The following PRKCH variants were observed in gnomAD, a reference collection of about 807,000 sequenced individuals.
PRKCH encodes the protein protein kinase C eta.
PRKCH carries 28 observed loss-of-function variants against 82.5 expected under a neutral mutation model. The ratio of observed to expected loss-of-function variants is 0.34; its 90% CI spans 0.25 to 0.47. The LOEUF is 0.47. Among genes scored for constraint, PRKCH ranks in the 20% least tolerant of loss-of-function variants. PRKCH has a pLI of 1.00. For missense variants in PRKCH, 705 were observed against 881.8 expected (o/e 0.80, Z 2.54); for synonymous variants, 322 against 327.4 (o/e 0.98, Z 0.18).
intron 10 of PRKCH, among the ~76,000 whole-genome samples, chr14:61,524,774 T>A (rs576155288): frequency 1.3e-5 from 2 of 152,364 alleles, no homozygotes; most frequent in South Asian, 2.1e-4. Flanking sequence ...ATAAGTGTTC[T>A]GCTTGGTCCT....
intron 9 of PRKCH, among the ~76,000 whole-genome samples, chr14:61,480,874 C>T (rs1189577190): frequency 1.3e-5 from 2 of 152,180 alleles, no homozygotes; most frequent in Admixed American, 6.5e-5. Context: ...CTCCCGTCTG[C>T]CTGACATCTT....
chr14:61,209,690 A>G (rs2044554603), intron 1 of PRKCH, among the ~76,000 whole-genome samples: 1 of 152,108 alleles, frequency 6.6e-6, no homozygotes, highest in African/African-American at 2.4e-5. Context: ...TTTTAGATGC[A>G]GGGGATTTGT....
At chr14:61,423,879 A>G (rs1426454401) in intron 2 of PRKCH, among the ~76,000 whole-genome samples, 3 of 152,142 alleles carry the variant, frequency 2.0e-5, no homozygotes, top group Non-Finnish European at 4.4e-5. Flanking sequence ...TTGTGTCCTC[A>G]CCCAAATCTC....
intron 1 of PRKCH, among the ~76,000 whole-genome samples, chr14:61,253,990 C>G (rs1329136158): frequency 6.2e-5 from 8 of 129,508 alleles, no homozygotes; most frequent in Non-Finnish European, 9.9e-5. Flanking sequence ...TCCCTCCCTC[C>G]CTCCCTCCCT....
chr14:61,522,679 G>C (rs1256722051), intron 10 of PRKCH, among the ~76,000 whole-genome samples: 1 of 152,186 alleles, frequency 6.6e-6, no homozygotes, highest in East Asian at 1.9e-4. Flanking sequence ...TCTCCTCATT[G>C]CACTCATCAC....
Position 61,268,081 on chromosome 14 carries a change from T to A in PRKCH, c.-19+80413T>A, listed in dbSNP as rs569257342. 2.8e-4 allele frequency among the ~76,000 whole-genome samples: 42 copies of A among 152,306 alleles called. No individual in the cohort carries two copies. The South Asian group carries it at 6.4e-3, about 23-fold the overall frequency. ...TCTTCGGAATCCCTTAAAGACAGAA[T>A]CTTCAATGTCTATGTTATTGTACAC... On this transcript the variant is annotated intron_variant, in intron 1 of 3. Transcript: ENST00000555185.
At chr14:61,307,683 G>A (rs1417664450) in intron 1 of PRKCH, among the ~76,000 whole-genome samples, 2 of 151,916 alleles carry the variant, frequency 1.3e-5, no homozygotes, top group Non-Finnish European at 2.9e-5. Flanking sequence ...TTATTACAAT[G>A]CTGTTTTTTT....
At chr14:61,265,426 A>G (rs919025905) in intron 1 of PRKCH, among the ~76,000 whole-genome samples, 1 of 152,218 alleles carries the variant, frequency 6.6e-6, no homozygotes, top group African/African-American at 2.4e-5. Context: ...AGCTGCAGTG[A>G]GCCAAGATCG....
rs1316847544 is a variant in PRKCH at position 61,188,613 on chromosome 14, T to TGTG, written c.-19+946_-19+948dup. ...TCGGGGGGGTGGGGGGGTGGTGTGG[T>TGTG]GTGTGTGTGTGTGTGTGTGTGTGTG... On this transcript the variant is annotated intron_variant, in intron 1 of 3. Transcript: ENST00000555185. Among the ~76,000 whole-genome samples, 16 of 19,894 alleles carry TGTG rather than the reference T, an allele frequency of 8.0e-4. 1 individual carries two copies. Among genetic ancestry groups the TGTG allele is most frequent in the Admixed American group, 1.8e-3 (3 of 1,670 alleles). The allele number at this position is 19,894 out of a possible 152,430, so 13.1% of individuals were successfully genotyped here. A position where few individuals can be genotyped will look rare whatever the true frequency, so the allele number is the denominator to read the frequency against.
rs371493537 is a variant in PRKCH, at chr14:61,400,849, G to A, written c.427+9561G>A. Among the ~76,000 whole-genome samples, 62 of 152,212 alleles carry A rather than the reference G, an allele frequency of 4.1e-4. No homozygotes were observed. The East Asian group carries it at 8.3e-3, about 20-fold the overall frequency. ...CAAATGGTGAACCAGACTCAGAGAC[G>A]CTAATTTACTATGGTCTTTCCTGGA... is the stretch of plus-strand genomic sequence containing the variant. On this transcript the variant is annotated intron_variant, in intron 2 of 13. Coordinates refer to ENST00000332981, the MANE Select transcript of PRKCH (RefSeq NM_006255.5).
chr14:61,324,980 A>T (rs1371306797), intron 1 of PRKCH, among the ~76,000 whole-genome samples: 1 of 152,182 alleles, frequency 6.6e-6, no homozygotes, highest in Non-Finnish European at 1.5e-5. Flanking sequence ...TTTTTGCTAG[A>T]TCCAGAGAAG....
At chr14:61,213,300 G>T (rs1406560180) in intron 1 of PRKCH, among the ~76,000 whole-genome samples, 1 of 152,138 alleles carries the variant, frequency 6.6e-6, no homozygotes, top group Non-Finnish European at 1.5e-5. Flanking sequence ...TGTCCTTTTG[G>T]TGGATTAACC....
chr14:61,454,885 G>T (rs574560775), intron 7 of PRKCH, among the ~76,000 whole-genome samples: 1 of 152,098 alleles, frequency 6.6e-6, no homozygotes, highest in South Asian at 2.1e-4. Context: ...GAAAATTATC[G>T]ACTCAACTAA....
chr14:61,447,374 T>C (rs539748619), intron 4 of PRKCH, among the ~76,000 whole-genome samples: 15 of 152,314 alleles, frequency 9.8e-5, no homozygotes, highest in Non-Finnish European at 1.9e-4. Context: ...ATCTCAGTAA[T>C]TGATAGATCC....
At chr14:61,279,165 C>T (rs2045232791) in intron 1 of PRKCH, 1 of 152,232 alleles carries the variant, frequency 6.6e-6, no homozygotes, top group Admixed American at 6.5e-5. Flanking sequence ...TACACAGTAC[C>T]TGGCAAAGTT....
chr14:61,536,313 A>T (rs1375966008), intron 12 of PRKCH, among the ~76,000 whole-genome samples: 2 of 152,220 alleles, frequency 1.3e-5, no homozygotes, highest in Non-Finnish European at 2.9e-5. Context: ...GGTACCCCAA[A>T]GAAGCATTTT....
chr14:61,370,941 CAG>C (rs1457600830), intron 1 of PRKCH, among the ~76,000 whole-genome samples: 2 of 151,986 alleles, frequency 1.3e-5, no homozygotes, highest in African/African-American at 4.8e-5. Flanking sequence ...ACAGTTGGGA[CAG>C]GGGATGACTT....
intron 1 of PRKCH, among the ~76,000 whole-genome samples, chr14:61,225,830 G>T (rs533571114): frequency 2.0e-5 from 3 of 151,418 alleles, no homozygotes; most frequent in African/African-American, 7.3e-5. Flanking sequence ...CCTCTGCTTC[G>T]TAGGCTCAAG....
At chr14:61,297,825 CT>C (rs1241134229) in intron 1 of PRKCH, among the ~76,000 whole-genome samples, 1 of 152,134 alleles carries the variant, frequency 6.6e-6, no homozygotes, top group African/African-American at 2.4e-5. Context: ...TTGGGGACCC[CT>C]GGTCTAGTGT....
Sources: allele counts gnomAD v4.1 joint callset (sites outside exome capture counted in the v4.1 genomes callset), GRCh38; gene constraint gnomAD v4.1.1; transcripts MANE v1.5; gene names NCBI Gene and HGNC (gene_info 2026-07-23, HGNC 2026-07-21).